The following VAPB variants were observed in gnomAD, a reference collection of about 807,000 sequenced individuals.
The protein encoded by VAPB is vesicle-associated membrane protein-associated protein B/C.
A neutral mutation model predicts 25.6 loss-of-function variants in VAPB; 7 were observed. The observed-to-expected ratio is 0.27, with a 90% confidence interval of 0.16 to 0.51. VAPB has a LOEUF of 0.51. VAPB is among the 20% of genes least tolerant of loss of function. The probability of loss-of-function intolerance (pLI) is 0.97; values close to 1 mark genes in which losing one functional copy is unlikely to be tolerated. For synonymous variants in VAPB, 112 were observed against 109.2 expected, an observed-to-expected ratio of 1.03 and a Z score of -0.16; for missense variants, 266 against 301.3, an observed-to-expected ratio of 0.88 and a Z score of 0.87.
intron 2 of VAPB, among the ~76,000 whole-genome samples, chr20:58,432,093 C>T (rs1362402011): frequency 6.6e-6 from 1 of 152,096 alleles, no homozygotes; most frequent in Non-Finnish European, 1.5e-5. Flanking sequence ...TTGGGGCATT[C>T]TTAGAACCCA....
intron 2 of VAPB, among the ~76,000 whole-genome samples, chr20:58,434,130 A>G (rs1368701469): frequency 6.6e-6 from 1 of 152,206 alleles, no homozygotes; most frequent in East Asian, 1.9e-4. Context: ...TTGTATTTCA[A>G]GGATTACCTT....
chr20:58,416,750 A>G (rs956220217), intron 1 of VAPB, among the ~76,000 whole-genome samples: 3 of 147,564 alleles, frequency 2.0e-5, no homozygotes, highest in Non-Finnish European at 4.5e-5. Flanking sequence ...AGGTAAGCCC[A>G]TATCAGATTG....
At chr20:58,417,026 T>C (rs1988555691) in intron 1 of VAPB, among the ~76,000 whole-genome samples, 1 of 152,224 alleles carries the variant, frequency 6.6e-6, no homozygotes. Flanking sequence ...CGTATTTGTT[T>C]GTGAACACAT....
chr20:58,406,509 T>TA (rs1305973522), intron 1 of VAPB, among the ~76,000 whole-genome samples: 1 of 152,232 alleles, frequency 6.6e-6, no homozygotes, highest in Non-Finnish European at 1.5e-5. Flanking sequence ...CACTAACTGA[T>TA]AAACCACGTT....
At chr20:58,414,414 C>T (rs1988478048) in intron 1 of VAPB, among the ~76,000 whole-genome samples, 1 of 150,644 alleles carries the variant, frequency 6.6e-6, no homozygotes, top group Non-Finnish European at 1.5e-5. Context: ...CGGAGAGGCT[C>T]CCCACCCCTC....
chr20:58,423,219 C>T (rs2123066833), intron 2 of VAPB, among the ~76,000 whole-genome samples: 1 of 151,866 alleles, frequency 6.6e-6, no homozygotes, highest in Non-Finnish European at 1.5e-5. Flanking sequence ...CGAGACCATC[C>T]TGACCAACAT....
intron 2 of VAPB, among the ~76,000 whole-genome samples, chr20:58,420,856 G>A (rs1304298478): frequency 1.3e-5 from 2 of 152,196 alleles, no homozygotes; most frequent in Non-Finnish European, 2.9e-5. Flanking sequence ...ATGTGCTGAG[G>A]GACCACTGCA....
chr20:58,447,902 C>T lies in VAPB; in HGVS notation c.*3667C>T. On this transcript the variant is annotated 3_prime_UTR_variant, in exon 6 of 6. Transcript: ENST00000475243. ...AGGGGTCTTGGGCTTCCCAGTGTCA[C>T]TTTGAACACCTGAATAACATTTAAC... is the stretch of plus-strand genomic sequence containing the variant. 2.2e-6 allele frequency: 1 copy of T among 453,800 alleles called. No homozygotes were observed. Among genetic ancestry groups the T allele is most frequent in the Non-Finnish European group, 4.4e-6 (1 of 226,748 alleles). The allele number at this position is 453,800 out of a possible 1,614,324, so 28.1% of individuals were successfully genotyped here.
In VAPB at chr20:58,450,770, A is replaced by C; in HGVS notation, c.*6535A>C. The stretch of plus-strand genomic sequence containing the variant: ...CTTAAGAGATGTCTTAGAATGCTTT[A>C]GTTTTCATAATTTGTCCTTTATGTA... On this transcript the variant is annotated 3_prime_UTR_variant, in exon 6 of 6. Coordinates refer to ENST00000475243, the MANE Select transcript of VAPB (RefSeq NM_004738.5). 1 of 453,986 alleles carries C rather than the reference A, an allele frequency of 2.2e-6. No individual in the cohort carries two copies. 28.1% of individuals were successfully genotyped at this position (453,986 alleles called of 1,614,324 possible).
Position 58,449,443 on chromosome 20 carries a change from A to G in VAPB, c.*5208A>G, listed in dbSNP as rs1568726345. 13 of 449,180 alleles carry G rather than the reference A, an allele frequency of 2.9e-5. No individual in the cohort carries two copies. The highest frequency in any genetic ancestry group is 1.7e-4 in the South Asian group (11 of 63,034). The allele number at this position is 449,180 out of a possible 1,614,324, so 27.8% of individuals were successfully genotyped here. A position where few individuals can be genotyped will look rare whatever the true frequency, so the allele number is the denominator to read the frequency against. On this transcript the variant is annotated 3_prime_UTR_variant, in exon 6 of 6. Transcript: ENST00000475243. ...GTCTTCATGAATATAATTACTTGAG[A>G]TTTTTTTTTCTTAATGGAATTAGTT...
chr20:58,406,912 GTTTA>G (rs1192195556), intron 1 of VAPB, among the ~76,000 whole-genome samples: 1 of 151,880 alleles, frequency 6.6e-6, no homozygotes, highest in East Asian at 1.9e-4. Context: ...TTATCTTTTT[GTTTA>G]TTTTTGTGAT....
At chr20:58,413,482 C>G (rs1180774523) in intron 1 of VAPB, among the ~76,000 whole-genome samples, 1 of 152,192 alleles carries the variant, frequency 6.6e-6, no homozygotes, top group Non-Finnish European at 1.5e-5. Context: ...CACCGATCAA[C>G]AGGATCCCAA....
At chr20:58,389,953 T>C (rs540960289) in intron 1 of VAPB, among the ~76,000 whole-genome samples, 3 of 152,286 alleles carry the variant, frequency 2.0e-5, no homozygotes, top group African/African-American at 7.2e-5. Context: ...CGTGCACACC[T>C]GCTGTCATTC....
At chr20:58,438,512 C>T (rs895174791) in intron 3 of VAPB, among the ~76,000 whole-genome samples, 2 of 152,196 alleles carry the variant, frequency 1.3e-5, no homozygotes, top group Non-Finnish European at 1.5e-5. Context: ...CTGCTGGGCT[C>T]AACCAGTCCC....
intron 1 of VAPB, among the ~76,000 whole-genome samples, chr20:58,392,929 A>G (rs1052197077): frequency 6.6e-5 from 10 of 152,342 alleles, no homozygotes; most frequent in Admixed American, 6.5e-4. Context: ...TTCCTGAAAG[A>G]AGCATGACAC....
intron 1 of VAPB, among the ~76,000 whole-genome samples, chr20:58,408,529 CCA>C (rs749478129): frequency 3.9e-5 from 6 of 152,156 alleles, no homozygotes; most frequent in Non-Finnish European, 8.8e-5. Flanking sequence ...GAAAACTTCT[CCA>C]GTGTCCTTAT....
At chr20:58,411,584 G>A (rs762348996) in intron 1 of VAPB, among the ~76,000 whole-genome samples, 3 of 152,146 alleles carry the variant, frequency 2.0e-5, no homozygotes, top group African/African-American at 7.2e-5. Flanking sequence ...ACATCTTTTC[G>A]TATGTTTATT....
chr20:58,444,996 C>T lies in VAPB; in HGVS notation c.*761C>T. 2.2e-6 allele frequency: 1 copy of T among 454,678 alleles called. No individual in the cohort carries two copies. Among genetic ancestry groups the T allele is most frequent in the Non-Finnish European group, 4.4e-6 (1 of 226,800 alleles). 28.2% of individuals were successfully genotyped at this position (454,678 alleles called of 1,614,324 possible). The stretch of plus-strand genomic sequence containing the variant: ...ATGTTTTCTTATTGTCACAAGAGTA[C>T]AGTTAATGCTGCGTGCTGCTGAACT... On this transcript the variant is annotated 3_prime_UTR_variant, in exon 6 of 6. Transcript: ENST00000475243.
At chr20:58,404,213 C>T (rs1988169104) in intron 1 of VAPB, among the ~76,000 whole-genome samples, 1 of 152,184 alleles carries the variant, frequency 6.6e-6, no homozygotes, top group Non-Finnish European at 1.5e-5. Flanking sequence ...CTAGATCTTA[C>T]GGATAGGTTC....
Sources: gnomAD v4.1 joint callset for allele counts (sites outside exome capture counted in the v4.1 genomes callset) on GRCh38, gnomAD v4.1.1 for gene constraint, MANE v1.5 for transcripts, NCBI Gene and HGNC (gene_info 2026-07-23, HGNC 2026-07-21) for gene names.